The following ATP10B variants were observed in gnomAD, a reference collection of about 807,000 sequenced individuals.
ATP10B encodes phospholipid-transporting ATPase VB.
ATP10B carries 122 observed loss-of-function variants against 141.2 expected under a neutral mutation model. The ratio of observed to expected loss-of-function variants is 0.86; its 90% CI spans 0.75 to 1.00. ATP10B has a LOEUF of 1.00. Among genes scored for constraint, ATP10B ranks in the 50% least tolerant of loss-of-function variants. The probability of loss-of-function intolerance (pLI) is 0.00; values close to 1 mark genes in which losing one functional copy is unlikely to be tolerated. For synonymous variants in ATP10B, 685 were observed against 692.0 expected, an observed-to-expected ratio of 0.99 and a Z score of 0.16; for missense variants, 1,876 against 1,825.3, an observed-to-expected ratio of 1.03 and a Z score of -0.51.
chr5:160,741,635 T>G (rs1767487321), intron 2 of ATP10B, among the ~76,000 whole-genome samples: 1 of 152,212 alleles, frequency 6.6e-6, no homozygotes, highest in Non-Finnish European at 1.5e-5. Flanking sequence ...GTACGTTACA[T>G]TTTTCAAAGG....
intron 24 of ATP10B, among the ~76,000 whole-genome samples, chr5:160,578,753 G>A (rs1435651830): frequency 1.3e-5 from 2 of 152,166 alleles, no homozygotes; most frequent in Non-Finnish European, 2.9e-5. Context: ...CTAGATCCTT[G>A]AGGAATCGCC....
At chr5:160,715,858 C>G (rs985166230) in intron 3 of ATP10B, among the ~76,000 whole-genome samples, 1 of 151,944 alleles carries the variant, frequency 6.6e-6, no homozygotes, top group Non-Finnish European at 1.5e-5. Context: ...TTATAGGTGC[C>G]TACCACTACG....
At chr5:160,881,836 A>G in the ATP10B span, among the ~76,000 whole-genome samples, 7 of 152,044 alleles carry the variant, frequency 4.6e-5, no homozygotes, top group African/African-American at 1.7e-4. Flanking sequence ...ATAAAACAAT[A>G]ATAATAATTG....
At chr5:160,802,327 A>G (rs1012382125) in intron 1 of ATP10B, among the ~76,000 whole-genome samples, 4 of 152,180 alleles carry the variant, frequency 2.6e-5, no homozygotes, top group Non-Finnish European at 5.9e-5. Context: ...TGAGGAAAAA[A>G]TCAAGAACAC....
Position 160,569,496 on chromosome 5 carries a change from C to T in ATP10B, c.3938G>A (p.Arg1313Lys). 1.2e-6 allele frequency: 2 copies of T among 1,613,604 alleles called. No homozygotes were observed. The highest frequency in any genetic ancestry group is 1.7e-6 in the Non-Finnish European group (2 of 1,179,762). Residue 1313 changes from arginine (R) to lysine (K), a missense_variant and splice_region_variant, in exon 25 of 26, where the codon AGA becomes AAA. Arg to Lys is a conservative substitution (Grantham distance 26, BLOSUM62 2). Coordinates refer to ENST00000327245, the MANE Select transcript of ATP10B (RefSeq NM_025153.3). The part of the protein sequence containing the change: ...FLTPVVALLP[R>K]YFFLSLQGTC... ...AGAAACACAGCCCTAGTGCTCAAAC[C>T]TTGGGAGAAGAGCAACAACTGGTGT...
chr5:160,589,541 T>C, intron 24 of ATP10B, 51 bp downstream of exon 24: 2 of 1,389,326 alleles, frequency 1.4e-6, no homozygotes, highest in Non-Finnish European at 2.0e-6. Context: ...TTGAGTATAG[T>C]CAATGGGCAG....
chr5:160,574,506 C>T (rs892974304), intron 24 of ATP10B, among the ~76,000 whole-genome samples: 3 of 152,104 alleles, frequency 2.0e-5, no homozygotes, highest in Admixed American at 6.6e-5. Context: ...ACTGCCCATG[C>T]CCATTTTGAT....
the ATP10B span, among the ~76,000 whole-genome samples, chr5:160,879,728 C>T: frequency 5.9e-5 from 9 of 151,966 alleles, no homozygotes; most frequent in Non-Finnish European, 1.0e-4. Context: ...GTCCCAGCTA[C>T]TTGGGAGGCT....
At chr5:160,901,936 C>T in the ATP10B span, among the ~76,000 whole-genome samples, 1 of 152,086 alleles carries the variant, frequency 6.6e-6, no homozygotes, top group African/African-American at 2.4e-5. Context: ...ATTTATTTTC[C>T]TACATTCTGC....
intron 1 of ATP10B, among the ~76,000 whole-genome samples, chr5:160,800,738 C>G (rs552054320): frequency 6.6e-6 from 1 of 152,156 alleles, no homozygotes; most frequent in Non-Finnish European, 1.5e-5. Context: ...AGGCCATTCC[C>G]CTTTGCTTCT....
chr5:160,777,757 C>G (rs1287185545), intron 2 of ATP10B, among the ~76,000 whole-genome samples: 3 of 152,170 alleles, frequency 2.0e-5, no homozygotes, highest in Non-Finnish European at 4.4e-5. Flanking sequence ...AGAGGATATA[C>G]TTATTGCAGC....
At position 160,785,588 on chromosome 5, in the gene ATP10B, C is replaced by G; in HGVS notation, c.-360G>C. ...TAGGTAGATTTCAAGTCTTGTTCCT[C>G]TTTCTCCTTCCCTCCTTTTTGAAGT... On this transcript the variant is annotated 5_prime_UTR_variant, in exon 2 of 26. Transcript: ENST00000327245. The G allele has an allele frequency of 1.0e-6, 1 of 1,001,728 alleles. No individual in the cohort carries two copies. The highest frequency in any genetic ancestry group is 1.4e-6 in the Non-Finnish European group (1 of 726,622). 62.1% of individuals were successfully genotyped at this position (1,001,728 alleles called of 1,614,324 possible). A position where few individuals can be genotyped will look rare whatever the true frequency, so the allele number is the denominator to read the frequency against.
At chr5:160,591,269 G>A in intron 22 of ATP10B, 130 bp from the exon 23 acceptor site, 1 of 678,726 alleles carries the variant, frequency 1.5e-6, no homozygotes, top group African/African-American at 1.8e-5. Context: ...TGTGGTAGTA[G>A]AATGGAGTAA....
At chr5:160,573,334 A>G (rs191422859) in intron 24 of ATP10B, among the ~76,000 whole-genome samples, 94 of 152,344 alleles carry the variant, frequency 6.2e-4, no homozygotes, top group African/African-American at 2.1e-3. Flanking sequence ...AGCCTCCAGA[A>G]CCATGAGAAA....
intron 24 of ATP10B, among the ~76,000 whole-genome samples, chr5:160,576,701 A>T (rs1016260206): frequency 9.2e-5 from 14 of 152,216 alleles, no homozygotes; most frequent in African/African-American, 3.4e-4. Flanking sequence ...GAAATGGGAG[A>T]GAAATTAGCA....
rs1416233921 is a variant in ATP10B, at chr5:160,649,598, CAT to C, written c.676-344_676-343del. Reference sequence around the variant, plus strand: ...TGTGCAGTATGGAAGCCACTAATCACATGTGTCTATTTAGCATTTGAAGTGTG... The same window carrying C: ...TGTGCAGTATGGAAGCCACTAATCACGTGTCTATTTAGCATTTGAAGTGTG... On this transcript the variant is annotated intron_variant, in intron 7 of 25. Transcript: ENST00000327245. 3.9e-5 allele frequency among the ~76,000 whole-genome samples: 6 copies of C among 152,292 alleles called. No homozygotes were observed. The South Asian group carries it at 1.0e-3, about 26-fold the overall frequency.
upstream of ATP10B, among the ~76,000 whole-genome samples, chr5:160,852,906 T>TAAA (rs33971292): frequency 9.2e-4 from 139 of 151,744 alleles, no homozygotes; most frequent in South Asian, 0.018. Flanking sequence ...TTAAGGGTAG[T>TAAA]AAAAAAAAGA....
chr5:160,608,080 C>T (rs1274799975), intron 18 of ATP10B, among the ~76,000 whole-genome samples: 1 of 151,968 alleles, frequency 6.6e-6, no homozygotes, highest in Non-Finnish European at 1.5e-5. Flanking sequence ...CCTCCTCCAT[C>T]CCCCCACCCC....
intron 2 of ATP10B, among the ~76,000 whole-genome samples, chr5:160,774,056 T>C (rs765766830): frequency 5.9e-5 from 9 of 152,216 alleles, no homozygotes; most frequent in Non-Finnish European, 1.2e-4. Flanking sequence ...AGTGTTTTCC[T>C]CTGCAGGTAG....
Sources: gnomAD v4.1 joint callset for allele counts (sites outside exome capture counted in the v4.1 genomes callset) on GRCh38, gnomAD v4.1.1 for gene constraint, MANE v1.5 for transcripts, NCBI Gene and HGNC (gene_info 2026-07-23, HGNC 2026-07-21) for gene names.